DLC1: variants seen among roughly 807,000 people sequenced by gnomAD.
DLC1 encodes the protein DLC1 Rho GTPase activating protein.
In DLC1, 54 loss-of-function variants were observed where a neutral mutation model predicts 140.3. The ratio of observed to expected loss-of-function variants is 0.38; its 90% CI spans 0.31 to 0.48. DLC1 has a LOEUF of 0.48. DLC1 is among the 20% of genes least tolerant of loss of function. DLC1 has a pLI of 0.96. For missense variants in DLC1, 2,536 were observed against 1,907.0 expected, an observed-to-expected ratio of 1.33 and a Z score of -6.14; for synonymous variants, 986 against 728.1, an observed-to-expected ratio of 1.35 and a Z score of -5.70.
At chr8:13,382,331 C>G (rs1836304794) in intron 4 of DLC1, among the ~76,000 whole-genome samples, 1 of 150,854 alleles carries the variant, frequency 6.6e-6, no homozygotes, top group Non-Finnish European at 1.5e-5. Flanking sequence ...CACGTTGAAA[C>G]CCCGTCTCTA....
intron 5 of DLC1, chr8:13,116,105 T>C: frequency 1.0e-6 from 1 of 976,298 alleles, no homozygotes; most frequent in Non-Finnish European, 1.2e-6. Flanking sequence ...AGTCACAGGC[T>C]TTCTGACACC....
In DLC1 at chr8:13,499,352, G is replaced by A. The variant is rs762474592; in HGVS notation, c.720C>T (p.Pro240=). Residue 240 remains proline (P), a synonymous_variant, in exon 2 of 18, where the codon CCC becomes CCT. Coordinates refer to ENST00000276297, the MANE Select transcript of DLC1 (RefSeq NM_182643.3). ...VIAQQRRKPD[P]PKDENERSTC... ...TGCTTCTTTCATTTTCATCTTTAGG[G>A]GGGTCAGGTTTCCTTCGTTGCTGAG... The A allele has an allele frequency of 2.9e-5, 46 of 1,613,906 alleles. No individual in the cohort carries two copies. Among genetic ancestry groups the A allele is most frequent in the Middle Eastern group, 1.6e-4 (1 of 6,082 alleles).
intron 2 of DLC1, among the ~76,000 whole-genome samples, chr8:13,463,440 A>G (rs557391927): frequency 6.6e-6 from 1 of 152,338 alleles, no homozygotes; most frequent in African/African-American, 2.4e-5. Flanking sequence ...GAATAAATAT[A>G]CCTAAAAGTC....
chr8:13,333,851 A>G (rs753720515), intron 4 of DLC1, among the ~76,000 whole-genome samples: 5 of 152,196 alleles, frequency 3.3e-5, no homozygotes, highest in Non-Finnish European at 5.9e-5. Context: ...AAAAGATCTT[A>G]GCAAACACAG....
intron 5 of DLC1, chr8:13,276,697 G>C: frequency 1.2e-6 from 1 of 839,352 alleles, no homozygotes; most frequent in African/African-American, 1.8e-5. Context: ...TGACTCACCT[G>C]GGTCCGCGCC....
At chr8:13,311,465 A>G (rs17192335) in intron 4 of DLC1, among the ~76,000 whole-genome samples, 8,176 of 152,312 alleles carry the variant, frequency 0.054, 275 homozygotes, top group South Asian at 0.12. Flanking sequence ...GCCTTCAAGG[A>G]ACAAATATCT....
At chr8:13,158,008 T>C (rs1280800744) in intron 5 of DLC1, among the ~76,000 whole-genome samples, 3 of 152,200 alleles carry the variant, frequency 2.0e-5, no homozygotes. Context: ...TATTTCAGGG[T>C]TTGGAACTTG....
intron 5 of DLC1, among the ~76,000 whole-genome samples, chr8:13,257,264 T>C (rs1296998110): frequency 6.7e-6 from 1 of 149,036 alleles, no homozygotes; most frequent in African/African-American, 2.5e-5. Context: ...AATGAGACCC[T>C]GTCTCTACAA....
At chr8:13,223,248 A>T (rs1828643958) in intron 5 of DLC1, among the ~76,000 whole-genome samples, 1 of 152,034 alleles carries the variant, frequency 6.6e-6, no homozygotes, top group Non-Finnish European at 1.5e-5. Flanking sequence ...AATTCAATAA[A>T]AATTTTTCCT....
At chr8:13,344,674 CCACGAGGTCTCTAT>C (rs1424923186) in intron 4 of DLC1, among the ~76,000 whole-genome samples, 1 of 152,116 alleles carries the variant, frequency 6.6e-6, no homozygotes, top group African/African-American at 2.4e-5. Flanking sequence ...ATAAGGCTAG[CCACGAGGTCTCTAT>C]CACTATTATG....
At chr8:13,517,028 A>C (rs1404076455), upstream of DLC1, among the ~76,000 whole-genome samples, 1 of 152,218 alleles carries the variant, frequency 6.6e-6, no homozygotes, top group East Asian at 1.9e-4. Context: ...TCTCTTTAAA[A>C]ATAGAGACAA....
At chr8:13,321,930 AT>A (rs954587328) in intron 4 of DLC1, among the ~76,000 whole-genome samples, 7 of 151,610 alleles carry the variant, frequency 4.6e-5, no homozygotes, top group African/African-American at 1.4e-4. Flanking sequence ...TCCTGCAAAT[AT>A]TTTTTTTAGT....
chr8:13,219,160 G>GTA (rs1828404029), intron 5 of DLC1, among the ~76,000 whole-genome samples: 1 of 53,242 alleles, frequency 1.9e-5, no homozygotes, highest in African/African-American at 7.1e-5. Context: ...ATAATTATAT[G>GTA]AATATAACTA....
At chr8:13,274,367 T>C (rs1244105465) in intron 5 of DLC1, among the ~76,000 whole-genome samples, 1 of 152,202 alleles carries the variant, frequency 6.6e-6, no homozygotes, top group African/African-American at 2.4e-5. Context: ...AAGCATGGTA[T>C]CTGGATTCTC....
At position 13,413,256 on chromosome 8, in the gene DLC1, A is replaced by ATTTTTTTTTTTTTTTTTTTTTTTTT. The variant is rs58038503; in HGVS notation, c.1024-11638_1024-11637insAAAAAAAAAAAAAAAAAAAAAAAAA. Among the ~76,000 whole-genome samples the ATTTTTTTTTTTTTTTTTTTTTTTTT allele has an allele frequency of 2.4e-4, 20 of 82,016 alleles. 1 individual carries two copies. The highest frequency in any genetic ancestry group is 4.6e-4 in the East Asian group (1 of 2,178). 53.8% of individuals were successfully genotyped at this position (82,016 alleles called of 152,430 possible). On this transcript the variant is annotated intron_variant, in intron 2 of 17. Transcript: ENST00000276297. ...TAAAACATTATGAGATTTTTTTGCG[A>ATTTTTTTTTTTTTTTTTTTTTTTTT]TTTTTTTTTTTTTTTTTTTTTAGCT... is the stretch of plus-strand genomic sequence containing the variant.
At chr8:13,460,326 T>A (rs188577854) in intron 2 of DLC1, among the ~76,000 whole-genome samples, 1 of 152,332 alleles carries the variant, frequency 6.6e-6, no homozygotes, top group East Asian at 1.9e-4. Flanking sequence ...ATGTCTTCCT[T>A]TTTTATAACA....
chr8:13,215,534 C>T (rs542465875), intron 5 of DLC1, among the ~76,000 whole-genome samples: 1 of 152,198 alleles, frequency 6.6e-6, no homozygotes, highest in East Asian at 1.9e-4. Flanking sequence ...TTCAGTTAGC[C>T]AAGATCACGC....
intron 11 of DLC1, 64 bp downstream of exon 11, chr8:13,095,022 C>A: frequency 6.2e-7 from 1 of 1,613,526 alleles, no homozygotes; most frequent in Non-Finnish European, 8.5e-7. Context: ...CACCACACAA[C>A]TAGAAGAAGC....
At chr8:13,465,432 A>G (rs75790716) in intron 2 of DLC1, among the ~76,000 whole-genome samples, 3,280 of 152,294 alleles carry the variant, frequency 0.022, 258 homozygotes, top group Admixed American at 0.14. Flanking sequence ...TAATTGTGCC[A>G]ATCTAGAGAG....
Sources: gnomAD v4.1 joint callset for allele counts (sites outside exome capture counted in the v4.1 genomes callset) on GRCh38, gnomAD v4.1.1 for gene constraint, MANE v1.5 for transcripts, NCBI Gene and HGNC (gene_info 2026-07-23, HGNC 2026-07-21) for gene names.